GRID2: variants seen among roughly 807,000 people sequenced by gnomAD.
GRID2 encodes glutamate receptor ionotropic, delta-2.
A neutral mutation model predicts 114.8 loss-of-function variants in GRID2; 33 were observed. That is an observed-to-expected ratio of 0.29 (90% CI 0.22 to 0.38). GRID2 has a LOEUF of 0.38. Among genes scored for constraint, GRID2 ranks in the 10% least tolerant of loss-of-function variants. The pLI is 1.00. For synonymous variants in GRID2, 505 were observed against 449.9 expected (o/e 1.12, Z -1.55); for missense variants, 1,184 against 1,257.7 (o/e 0.94, Z 0.89).
At chr4:92,984,677 CTA>C (rs1181414843) in intron 2 of GRID2, among the ~76,000 whole-genome samples, 9 of 152,102 alleles carry the variant, frequency 5.9e-5, no homozygotes, top group African/African-American at 2.2e-4. Flanking sequence ...AAACTAAAGA[CTA>C]TTTGAATTTC....
chr4:92,703,413 A>G (rs1024797447), intron 2 of GRID2, among the ~76,000 whole-genome samples: 7 of 152,042 alleles, frequency 4.6e-5, no homozygotes, highest in Non-Finnish European at 8.8e-5. Context: ...TATATGAACT[A>G]TTAGGGCTTT....
At chr4:92,877,871 C>T (rs546026914) in intron 2 of GRID2, among the ~76,000 whole-genome samples, 20 of 152,218 alleles carry the variant, frequency 1.3e-4, no homozygotes, top group African/African-American at 4.3e-4. Context: ...TCTCCTTAAG[C>T]TTTTAAATCC....
At chr4:92,366,137 G>A (rs771166609) in intron 1 of GRID2, among the ~76,000 whole-genome samples, 22 of 151,726 alleles carry the variant, frequency 1.4e-4, no homozygotes, top group South Asian at 1.0e-3. Context: ...CAATAAAATA[G>A]CATAATACTT....
At chr4:93,277,477 C>T (rs1752177310) in intron 8 of GRID2, among the ~76,000 whole-genome samples, 1 of 151,464 alleles carries the variant, frequency 6.6e-6, no homozygotes, top group South Asian at 2.1e-4. Flanking sequence ...GTCTTATTGT[C>T]TTTAATAATA....
intron 2 of GRID2, among the ~76,000 whole-genome samples, chr4:92,701,936 CA>C (rs1579871929): frequency 6.6e-6 from 1 of 152,036 alleles, no homozygotes; most frequent in African/African-American, 2.4e-5. Context: ...TATACTGACC[CA>C]ATAATTTGAT....
intron 14 of GRID2, among the ~76,000 whole-genome samples, chr4:93,657,746 C>T (rs1245566578): frequency 6.6e-6 from 1 of 152,184 alleles, no homozygotes; most frequent in Non-Finnish European, 1.5e-5. Flanking sequence ...TTTTCTGTGG[C>T]TGAGTTCTTA....
At chr4:92,442,415 G>C (rs575779432) in intron 1 of GRID2, among the ~76,000 whole-genome samples, 1 of 151,980 alleles carries the variant, frequency 6.6e-6, no homozygotes, top group East Asian at 1.9e-4. Flanking sequence ...CCAGATTTCC[G>C]GCAAGTGTAG....
At chr4:92,971,715 A>G (rs1273634194) in intron 2 of GRID2, among the ~76,000 whole-genome samples, 4 of 151,974 alleles carry the variant, frequency 2.6e-5, no homozygotes, top group Non-Finnish European at 5.9e-5. Flanking sequence ...TTCCCAGTCT[A>G]TAATAACCAC....
At chr4:93,583,529 T>G (rs560992534) in intron 13 of GRID2, among the ~76,000 whole-genome samples, 1 of 152,272 alleles carries the variant, frequency 6.6e-6, no homozygotes, top group South Asian at 2.1e-4. Context: ...CTTGGCATAG[T>G]GCTGGATACT....
chr4:92,777,103 A>G (rs1279910526), intron 2 of GRID2, among the ~76,000 whole-genome samples: 1 of 151,762 alleles, frequency 6.6e-6, no homozygotes, highest in Non-Finnish European at 1.5e-5. Context: ...ATAATTCTTC[A>G]TCCGAGATAC....
intron 10 of GRID2, among the ~76,000 whole-genome samples, chr4:93,429,940 T>C (rs1333764483): frequency 6.6e-6 from 1 of 152,256 alleles, no homozygotes; most frequent in East Asian, 1.9e-4. Context: ...AGATACTATT[T>C]AGTAATTATA....
chr4:93,249,950 A>G (rs1445034166), intron 8 of GRID2, among the ~76,000 whole-genome samples: 1 of 152,156 alleles, frequency 6.6e-6, no homozygotes, highest in Non-Finnish European at 1.5e-5. Flanking sequence ...TTCCTCAAGG[A>G]TATAGAACCA....
chr4:93,125,235 C>T (rs1016930249), intron 4 of GRID2, among the ~76,000 whole-genome samples: 1 of 151,696 alleles, frequency 6.6e-6, no homozygotes, highest in Non-Finnish European at 1.5e-5. Flanking sequence ...CTGAGATCCT[C>T]CTTATAAAGT....
chr4:92,918,281 A>G (rs1748993400), intron 2 of GRID2, among the ~76,000 whole-genome samples: 2 of 152,200 alleles, frequency 1.3e-5, no homozygotes, highest in Non-Finnish European at 1.5e-5. Flanking sequence ...TAGATATACA[A>G]TCATGTCATC....
At chr4:92,430,215 T>C (rs1732372631) in intron 1 of GRID2, among the ~76,000 whole-genome samples, 1 of 152,220 alleles carries the variant, frequency 6.6e-6, no homozygotes, top group African/African-American at 2.4e-5. Flanking sequence ...CCATGTTTTC[T>C]TGTGGTAATT....
In GRID2 at chr4:93,679,855, A is replaced by G. The variant is rs904380835; in HGVS notation, c.2360+53420A>G. Among the ~76,000 whole-genome samples the G allele has an allele frequency of 1.3e-4, 19 of 151,094 alleles. 1 individual carries two copies. Among genetic ancestry groups the G allele is most frequent in the South Asian group, 6.3e-4 (3 of 4,786 alleles). The stretch of plus-strand genomic sequence containing the variant: ...GATCCAAAATTGACACCCTAACATC[A>G]CAATTAAAAGAACTAGAAAAGCAAG... On this transcript the variant is annotated intron_variant, in intron 14 of 15. Coordinates refer to ENST00000282020, the MANE Select transcript of GRID2 (RefSeq NM_001510.4).
chr4:93,263,681 G>A (rs1750498534), intron 8 of GRID2, among the ~76,000 whole-genome samples: 1 of 152,034 alleles, frequency 6.6e-6, no homozygotes, highest in Admixed American at 6.6e-5. Context: ...GAGTCTAGGT[G>A]ACTGATGGTC....
intron 8 of GRID2, among the ~76,000 whole-genome samples, chr4:93,238,913 A>G (rs1747132798): frequency 1.3e-5 from 2 of 151,348 alleles, no homozygotes; most frequent in South Asian, 4.1e-4. Flanking sequence ...ACATTACAGT[A>G]TTTTACCTTC....
chr4:93,011,919 A>G (rs1428992292), intron 2 of GRID2, among the ~76,000 whole-genome samples: 1 of 151,986 alleles, frequency 6.6e-6, no homozygotes, highest in African/African-American at 2.4e-5. Context: ...TTTATAATGT[A>G]CAATGATATG....
Sources: gnomAD v4.1 joint callset for allele counts (sites outside exome capture counted in the v4.1 genomes callset) on GRCh38, gnomAD v4.1.1 for gene constraint, MANE v1.5 for transcripts, NCBI Gene and HGNC (gene_info 2026-07-23, HGNC 2026-07-21) for gene names.